The following ABCB4 variants were observed in gnomAD, a reference collection of about 807,000 sequenced individuals.
ABCB4 encodes the protein phosphatidylcholine translocator ABCB4.
Under a neutral mutation model 145.7 loss-of-function variants are expected in ABCB4, and 76 were observed. That is an observed-to-expected ratio of 0.52 (90% CI 0.43 to 0.63). ABCB4 has a LOEUF of 0.63. Among genes scored for constraint, ABCB4 ranks in the 30% least tolerant of loss-of-function variants. The pLI is 0.00. For missense variants in ABCB4, 1,234 were observed against 1,553.1 expected (o/e 0.79, Z 3.45); for synonymous variants, 517 against 566.8 (o/e 0.91, Z 1.25).
chr7:87,400,347 A>C (rs551477748), downstream of ABCB4, among the ~76,000 whole-genome samples: 11 of 152,234 alleles, frequency 7.2e-5, no homozygotes, highest in Admixed American at 2.0e-4. Context: ...TACTCAGGGT[A>C]CTGATTCTAT....
chr7:87,434,986 C>A (rs2116641855), intron 14 of ABCB4, among the ~76,000 whole-genome samples: 1 of 152,260 alleles, frequency 6.6e-6, no homozygotes, highest in Non-Finnish European at 1.5e-5. Context: ...AAGGCCTGAT[C>A]AATGTATAAA....
intron 2 of ABCB4, among the ~76,000 whole-genome samples, chr7:87,474,797 T>C (rs1053712764): frequency 6.6e-6 from 1 of 151,608 alleles, no homozygotes; most frequent in Non-Finnish European, 1.5e-5. Context: ...AAGCGCTGCT[T>C]CCCCCTACCA....
rs1809489411 is a variant in ABCB4 at position 87,422,181 on chromosome 7, G to C, written c.2256C>G (p.Asn752Lys). ...GAAATAAGAAAATCAAAGAGAATATGTTGCACTTCTGCTGCTTCACTGCAT... is the reference window on the plus strand; with the variant it reads ...GAAATAAGAAAATCAAAGAGAATATCTTGCACTTCTGCTGCTTCACTGCAT... ...GDDAVKQQKC[N>K]IFSLIFLFLG... The change falls in exon 18 of 28, where the codon AAC becomes AAG. Residue 752 changes from asparagine (N) to lysine (K), a missense_variant. This residue lies in a region of ABCB4 where 321 missense variants were observed against 332.6 expected (regional missense o/e 0.97). Transcript: ENST00000649586. The C allele has an allele frequency of 6.2e-7, 1 of 1,613,720 alleles. No homozygotes were observed. The highest frequency in any genetic ancestry group is 8.5e-7 in the Non-Finnish European group (1 of 1,179,750).
chr7:87,431,593 G>C (rs779117458), intron 14 of ABCB4, 28 bp from the exon 15 acceptor site: 1 of 1,613,804 alleles, frequency 6.2e-7, no homozygotes, highest in East Asian at 2.2e-5. Context: ...TGGTGCATCA[G>C]GGTTACAGTA....
intron 22 of ABCB4, 128 bp downstream of exon 22, chr7:87,413,489 G>T (rs1054485747): frequency 2.9e-6 from 2 of 681,114 alleles, no homozygotes; most frequent in Non-Finnish European, 5.2e-6. Flanking sequence ...TGACAGAATT[G>T]TTGAAAAAAG....
downstream of ABCB4, chr7:87,398,374 C>T: frequency 1.1e-6 from 1 of 913,084 alleles, no homozygotes; most frequent in South Asian, 1.4e-5. Context: ...TATGGCTTTA[C>T]CTTCAATTGT....
chr7:87,418,469 G>C (rs1014586311), intron 20 of ABCB4, 68 bp downstream of exon 20: 1 of 1,360,570 alleles, frequency 7.3e-7, no homozygotes, highest in African/African-American at 1.4e-5. Context: ...TAACAAGTGT[G>C]GGTATGCTAC....
At position 87,426,857 on chromosome 7, in the gene ABCB4, T is replaced by C. The variant is rs1310500465; in HGVS notation, c.1957A>G (p.Met653Val). 5.0e-6 allele frequency: 8 copies of C among 1,613,916 alleles called. No individual in the cohort carries two copies. In the East Asian group the frequency reaches 1.6e-4, roughly 31 times the overall value. The part of the protein sequence containing the change: ...ELNDEKAATR[M>V]APNGWKSRLF... Reference sequence around the variant, plus strand: ...CGAGATTTCCAGCCATTTGGGGCCATTCTAGTGGCAGCCTTTTCATCATTT... The same window carrying C: ...CGAGATTTCCAGCCATTTGGGGCCACTCTAGTGGCAGCCTTTTCATCATTT... Residue 653 changes from methionine (M) to valine (V), a missense_variant, in exon 16 of 28, where the codon ATG becomes GTG. By Grantham distance (21) the Met-to-Val change is conservative. Transcript: ENST00000649586.
At chr7:87,382,124 T>C in the ABCB4 span, 20 of 1,613,582 alleles carry the variant, frequency 1.2e-5, no homozygotes, top group African/African-American at 2.7e-4. Context: ...TCATTTTCAT[T>C]GTGGATGAGA....
chr7:87,379,806 A>G, the ABCB4 span, among the ~76,000 whole-genome samples: 1 of 152,196 alleles, frequency 6.6e-6, no homozygotes, highest in African/African-American at 2.4e-5. Context: ...TTTGTAAATC[A>G]TCATTAGTGA....
At chr7:87,457,140 C>G (rs1812148940) in intron 4 of ABCB4, among the ~76,000 whole-genome samples, 1 of 152,162 alleles carries the variant, frequency 6.6e-6, no homozygotes, top group Non-Finnish European at 1.5e-5. Context: ...TGCCCCCCGC[C>G]AGGCCCGGTG....
At chr7:87,419,808 A>G (rs28583001) in intron 19 of ABCB4, among the ~76,000 whole-genome samples, 190 bp downstream of exon 19, 1 of 151,904 alleles carries the variant, frequency 6.6e-6, no homozygotes, top group Non-Finnish European at 1.5e-5. Flanking sequence ...AAAAACAAAA[A>G]AAAAACAAAA....
the ABCB4 span, among the ~76,000 whole-genome samples, chr7:87,374,561 G>A: frequency 2.0e-5 from 3 of 152,000 alleles, no homozygotes; most frequent in African/African-American, 4.8e-5. Context: ...TATAATTGGA[G>A]CAAAATCAGT....
intron 16 of ABCB4, among the ~76,000 whole-genome samples, chr7:87,425,875 C>G (rs1378279086): frequency 6.6e-6 from 1 of 151,758 alleles, no homozygotes; most frequent in East Asian, 1.9e-4. Flanking sequence ...GACCCTGTCT[C>G]AAAAAATAAA....
chr7:87,382,521 G>A, the ABCB4 span: 1 of 1,613,802 alleles, frequency 6.2e-7, no homozygotes, highest in Non-Finnish European at 8.5e-7. Flanking sequence ...ACTTCAGCTG[G>A]CCTATTACAG....
intron 6 of ABCB4, 62 bp downstream of exon 6, chr7:87,452,882 T>G: frequency 6.5e-7 from 1 of 1,546,556 alleles, no homozygotes; most frequent in Non-Finnish European, 8.9e-7. Context: ...AATCTTTCCT[T>G]GACATATTTT....
chr7:87,449,743 C>A (rs1811583493), intron 8 of ABCB4, among the ~76,000 whole-genome samples: 1 of 152,070 alleles, frequency 6.6e-6, no homozygotes, highest in South Asian at 2.1e-4. Flanking sequence ...ACAAGGGAGT[C>A]CATTTGTATT....
Position 87,417,487 on chromosome 7 carries a change from G to T in ABCB4, c.2507C>A (p.Ala836Glu). The T allele has an allele frequency of 6.2e-7, 1 of 1,614,142 alleles. No individual in the cohort carries two copies. The highest frequency in any genetic ancestry group is 8.5e-7 in the Non-Finnish European group (1 of 1,180,012). ...AGTTCCAAGGTTAGCTATATTCTGT[G>T]CAATTAAAGCCAACCTGGTTCCTGT... ...GATGTRLALI[A>E]QNIANLGTGI... Residue 836 changes from alanine to glutamate, a missense_variant, in exon 21 of 28, where the codon GCA (alanine) becomes GAA (glutamate). Physicochemically the swap from Ala to Glu is moderately radical, Grantham distance 107 (BLOSUM62 -1). Transcript: ENST00000649586.
intron 26 of ABCB4, chr7:87,403,503 G>A (rs1807955453): frequency 9.1e-6 from 5 of 549,792 alleles, no homozygotes. Flanking sequence ...TAAAATAGGA[G>A]GAGGATACTC....
Sources: gnomAD v4.1 joint callset for allele counts (sites outside exome capture counted in the v4.1 genomes callset) on GRCh38, gnomAD v4.1.1 for gene constraint, gnomAD v4.1.1 regional missense constraint, MANE v1.5 for transcripts, NCBI Gene and HGNC (gene_info 2026-07-23, HGNC 2026-07-21) for gene names.